The following NPHS1 variants were observed in gnomAD, a reference collection of about 807,000 sequenced individuals.
The protein encoded by NPHS1 is NPHS1 adhesion molecule, nephrin, also known as nephrin.
In NPHS1, 107 loss-of-function variants were observed where a neutral mutation model predicts 139.7. The ratio of observed to expected loss-of-function variants is 0.77; its 90% CI spans 0.66 to 0.90. The LOEUF is 0.90. Ranked by LOEUF, NPHS1 falls within the 40% of genes least tolerant of loss-of-function variation. The pLI, the probability that NPHS1 is intolerant of heterozygous loss-of-function variation, is 0.00. For missense variants in NPHS1, 1,580 were observed against 1,654.2 expected (o/e 0.96, Z 0.78); for synonymous variants, 707 against 706.6 (o/e 1.00, Z -0.01).
chr19:35,826,992 C>A (rs903934021), intron 28 of NPHS1, among the ~76,000 whole-genome samples: 3 of 151,962 alleles, frequency 2.0e-5, no homozygotes, highest in Non-Finnish European at 4.4e-5. Flanking sequence ...TTTTATTTTT[C>A]TTAGACAGGG....
chr19:35,839,186 C>G (rs1275597176), intron 22 of NPHS1, 51 bp downstream of exon 22: 1 of 1,560,978 alleles, frequency 6.4e-7, no homozygotes, highest in Non-Finnish European at 8.8e-7. Flanking sequence ...ACCATACTAC[C>G]CTACACATCC....
Position 35,845,616 on chromosome 19 carries a change from C to T in NPHS1, c.1757+53G>A. On this transcript the variant is annotated intron_variant, in intron 13 of 28. Coordinates refer to ENST00000378910, the MANE Select transcript of NPHS1 (RefSeq NM_004646.4). The surrounding 1 kb of genome is among the most constrained non-coding windows in gnomAD (Gnocchi z 5.5). Reference sequence around the variant, plus strand: ...AGGCACTAGGCGGGGGCGGGACATGCGTGGAGGGGGCGAGGCCAGACCAGA... The same window carrying T: ...AGGCACTAGGCGGGGGCGGGACATGTGTGGAGGGGGCGAGGCCAGACCAGA... The T allele has an allele frequency of 6.2e-7, 1 of 1,606,842 alleles. No homozygotes were observed. The highest frequency in any genetic ancestry group is 8.5e-7 in the Non-Finnish European group (1 of 1,176,346).
At chr19:35,840,366 G>A (rs1053655914) in intron 20 of NPHS1, among the ~76,000 whole-genome samples, 22 of 142,482 alleles carry the variant, frequency 1.5e-4, no homozygotes, top group African/African-American at 4.5e-4. Flanking sequence ...ATGGAGTCTC[G>A]CTGTGTCACC....
At chr19:35,831,811 G>A in intron 23 of NPHS1, 49 bp from the exon 24 acceptor site, 1 of 1,543,706 alleles carries the variant, frequency 6.5e-7, no homozygotes, top group East Asian at 2.4e-5. Context: ...CAGGCTGTAG[G>A]CCAGGGGTGG....
Position 35,844,450 on chromosome 19 carries a change from T to C in NPHS1, c.1940A>G (p.Glu647Gly). The C allele has an allele frequency of 6.3e-7, 1 of 1,580,180 alleles. No homozygotes were observed. The highest frequency in any genetic ancestry group is 8.6e-7 in the Non-Finnish European group (1 of 1,164,480). Residue 647 changes from glutamate (E) to glycine (G), a missense_variant, in exon 15 of 29, where the codon GAG becomes GGG. By Grantham distance (98) the Glu-to-Gly change is moderately conservative (BLOSUM62 -2). Coordinates refer to ENST00000378910, the MANE Select transcript of NPHS1 (RefSeq NM_004646.4). ...FYRLNVLYRPEFLGEQVLVVT... is the reference protein window; with the variant it reads ...FYRLNVLYRPGFLGEQVLVVT... The stretch of plus-strand genomic sequence containing the variant: ...CACCAGCACCTGCTCCCCCAGGAAC[T>C]CTGGACGGTCTTCAGAGGGGGCGCC...
At chr19:35,841,302 G>A (rs1295994937) in intron 20 of NPHS1, among the ~76,000 whole-genome samples, 9 of 152,136 alleles carry the variant, frequency 5.9e-5, no homozygotes, top group African/African-American at 1.4e-4. Context: ...GAATCCAGGA[G>A]GCAGAGGTTG....
rs2146823474 is a variant in NPHS1, at chr19:35,845,550, C to T, written c.1758-10G>A. ...GGCCACGCCCTCCAGCCTGTGGAAC[C>T]GGGGTCAAGCCAGGGCTGCGAGCGG... On this transcript the variant is annotated splice_polypyrimidine_tract_variant and intron_variant, in intron 13 of 28. Coordinates refer to ENST00000378910, the MANE Select transcript of NPHS1 (RefSeq NM_004646.4). The surrounding 1 kb of genome is among the most constrained non-coding windows in gnomAD (Gnocchi z 5.5). 1.2e-6 allele frequency: 2 copies of T among 1,603,482 alleles called. No homozygotes were observed. The highest frequency in any genetic ancestry group is 2.2e-5 in the South Asian group (2 of 90,652).
chr19:35,841,683 C>G (rs755466796), intron 20 of NPHS1, 32 bp downstream of exon 20: 1 of 1,613,026 alleles, frequency 6.2e-7, no homozygotes, highest in South Asian at 1.1e-5. Context: ...AGGGAGCACC[C>G]CCTCCCCAAC....
chr19:35,849,085 C>A lies in NPHS1; in HGVS notation c.903G>T (p.Val301=), dbSNP rs767375615. 2 of 1,610,188 alleles carry A rather than the reference C, an allele frequency of 1.2e-6. No individual in the cohort carries two copies. Among genetic ancestry groups the A allele is most frequent in the South Asian group, 2.2e-5 (2 of 91,080 alleles). The change falls in exon 8 of 29, where the codon GTG becomes GTT. Residue 301 remains valine, a synonymous_variant. Coordinates refer to ENST00000378910, the MANE Select transcript of NPHS1 (RefSeq NM_004646.4). ...CTTCTGGCCTCACGGTCATCACCAG[C>A]ACACTGCGGGCCACCGCCTGGGTGT... ...TEHTQAVARS[V]LVMTVRPEDH... is the part of the protein sequence containing the mutation.
chr19:35,828,150 A>G (rs1037342433), intron 28 of NPHS1, among the ~76,000 whole-genome samples: 2 of 152,176 alleles, frequency 1.3e-5, no homozygotes, highest in Non-Finnish European at 2.9e-5. Flanking sequence ...GCTGGGAGAA[A>G]ATGATTATTT....
chr19:35,851,443 C>G lies in NPHS1; in HGVS notation c.274+14G>C. On this transcript the variant is annotated intron_variant, in intron 2 of 28. Transcript: ENST00000378910. ...TCCGCTGGTGGCTGAGGGTCTCAGG[C>G]TCTGATCCCTTACCTCTAGCAGGGT... 6.2e-7 allele frequency: 1 copy of G among 1,613,144 alleles called. No homozygotes were observed. The highest frequency in any genetic ancestry group is 8.5e-7 in the Non-Finnish European group (1 of 1,179,780).
In NPHS1 at chr19:35,848,787, A is replaced by AG; in HGVS notation, c.1019dup (p.Ser341Ter). 1 of 1,614,160 alleles carries AG rather than the reference A, an allele frequency of 6.2e-7. No individual in the cohort carries two copies. Among genetic ancestry groups the AG allele is most frequent in the Non-Finnish European group, 8.5e-7 (1 of 1,180,026 alleles). ...CAGATCCCAAGATAATAATGGCACTAGGGGGAACTGCAGGGACAGAGAAGG... is the reference window on the plus strand; with the variant it reads ...CAGATCCCAAGATAATAATGGCACTAGGGGGGAACTGCAGGGACAGAGAAGG... On this transcript the variant is annotated frameshift_variant, in exon 9 of 29. Transcript: ENST00000378910. LOFTEE classifies it high-confidence loss of function.
chr19:35,845,862 C>T lies in NPHS1; in HGVS notation c.1628-64G>A, dbSNP rs1973132571. 3.2e-6 allele frequency: 5 copies of T among 1,580,324 alleles called. No individual in the cohort carries two copies. The highest frequency in any genetic ancestry group is 1.1e-5 in the South Asian group (1 of 87,736). On this transcript the variant is annotated intron_variant, in intron 12 of 28. Transcript: ENST00000378910. This position sits in a 1 kb window ranked among gnomAD's most constrained non-coding sequence, Gnocchi z 5.5. ...GGGGCGGCCTGGTCTGCGTCCACCC[C>T]GCCTGCACCCCAGGCTCCGCCCAGT...
At position 35,849,914 on chromosome 19, in the gene NPHS1, T is replaced by C. The variant is rs961923383; in HGVS notation, c.609-261A>G. Among the ~76,000 whole-genome samples the C allele has an allele frequency of 5.7e-4, 86 of 152,122 alleles. 1 individual carries two copies. The highest frequency in any genetic ancestry group is 1.3e-4 in the Non-Finnish European group (9 of 68,022). On this transcript the variant is annotated intron_variant, in intron 5 of 28. Transcript: ENST00000378910. ...TTCCCATGAAGTTTTTTTGTTTGTT[T>C]ATTTGTTTGTTTGTCTTTTGAGACA...
intron 28 of NPHS1, among the ~76,000 whole-genome samples, chr19:35,828,397 T>G (rs1170593104): frequency 6.6e-6 from 1 of 152,052 alleles, no homozygotes; most frequent in Non-Finnish European, 1.5e-5. Flanking sequence ...CCCGAGTAGG[T>G]GGGACTACAG....
intron 4 of NPHS1, 151 bp downstream of exon 4, chr19:35,850,810 C>A (rs921210533): frequency 9.7e-7 from 1 of 1,035,412 alleles, no homozygotes; most frequent in Non-Finnish European, 1.4e-6. Flanking sequence ...CCCACACTGG[C>A]CTCAGCATCT....
In NPHS1 at chr19:35,826,595, T is replaced by G; in HGVS notation, c.3645A>C (p.Gly1215=). The G allele has an allele frequency of 1.9e-6, 3 of 1,614,024 alleles. No homozygotes were observed. Among genetic ancestry groups the G allele is most frequent in the Non-Finnish European group, 2.5e-6 (3 of 1,179,996 alleles). ...WPEDTYQDPR[G]IYDQVAGDLD... ...AGTCTCCGGCCACCTGGTCATAGAT[T>G]CCTCTTGGATCCTGATATGTGTCTT... is the stretch of plus-strand genomic sequence containing the variant. The change falls in exon 29 of 29, where the codon GGA becomes GGC. Residue 1215 remains glycine (G), a synonymous_variant. Transcript: ENST00000378910.
rs1233061200 is a variant in NPHS1, at chr19:35,846,162, C to T, written c.1473G>A (p.Pro491=). The change falls in exon 12 of 29, where the codon CCG becomes CCA. Residue 491 remains proline (P), a synonymous_variant. Coordinates refer to ENST00000378910, the MANE Select transcript of NPHS1 (RefSeq NM_004646.4). Reference sequence around the variant, plus strand: ...CGAGATGCACGCGCCGCGACTCCTGCGGCAGCCGCGACTCGGTCACGGTGC... The same window carrying T: ...CGAGATGCACGCGCCGCGACTCCTGTGGCAGCCGCGACTCGGTCACGGTGC... ...DSRTVTESRL[P]QESRRVHLGS... The T allele has an allele frequency of 2.5e-6, 4 of 1,594,124 alleles. No homozygotes were observed. The highest frequency in any genetic ancestry group is 1.3e-5 in the African/African-American group (1 of 74,564).
chr19:35,827,701 T>C (rs1972816286), intron 28 of NPHS1, among the ~76,000 whole-genome samples: 2 of 152,170 alleles, frequency 1.3e-5, no homozygotes. Flanking sequence ...GGTGGATCAC[T>C]TGAGATCAGG....
Sources: gnomAD v4.1 joint callset for allele counts (sites outside exome capture counted in the v4.1 genomes callset) on GRCh38, gnomAD v4.1.1 for gene constraint, Gnocchi (gnomAD v3.1) non-coding constraint, MANE v1.5 for transcripts, NCBI Gene and HGNC (gene_info 2026-07-23, HGNC 2026-07-21) for gene names.